LRRK2: variants seen among roughly 807,000 people sequenced by gnomAD.
The protein encoded by LRRK2 is leucine rich repeat kinase 2.
Under a neutral mutation model 302.6 loss-of-function variants are expected in LRRK2, and 203 were observed. The observed-to-expected ratio is 0.67, with a 90% confidence interval of 0.60 to 0.75. The LOEUF is 0.75. Among genes scored for constraint, LRRK2 ranks in the 30% least tolerant of loss-of-function variants. The pLI is 0.00. For synonymous variants in LRRK2, 1,066 were observed against 1,031.9 expected (o/e 1.03, Z -0.63); for missense variants, 2,830 against 2,951.0 (o/e 0.96, Z 0.95).
At chr12:40,239,908 A>G (rs932632028) in intron 5 of LRRK2, among the ~76,000 whole-genome samples, 4 of 152,214 alleles carry the variant, frequency 2.6e-5, no homozygotes, top group African/African-American at 7.2e-5. Flanking sequence ...TTGTTGCCCA[A>G]TAACAATGAC....
intron 38 of LRRK2, among the ~76,000 whole-genome samples, chr12:40,324,719 G>T (rs1397015083): frequency 6.6e-6 from 1 of 152,202 alleles, no homozygotes; most frequent in Non-Finnish European, 1.5e-5. Context: ...TGATTGGGAA[G>T]TTTAGGTTGA....
At chr12:40,338,004 G>C (rs1945925056) in intron 40 of LRRK2, among the ~76,000 whole-genome samples, 1 of 152,186 alleles carries the variant, frequency 6.6e-6, no homozygotes, top group Non-Finnish European at 1.5e-5. Flanking sequence ...TGAAGTGTTA[G>C]CTTCTCCAAC....
intron 16 of LRRK2, among the ~76,000 whole-genome samples, chr12:40,276,858 G>A (rs954540150): frequency 2.0e-5 from 3 of 151,512 alleles, no homozygotes; most frequent in Non-Finnish European, 4.4e-5. Flanking sequence ...TTTGAGATGG[G>A]GTCTCACTCT....
chr12:40,292,102 A>C (rs1177964691), intron 20 of LRRK2, among the ~76,000 whole-genome samples: 1 of 152,000 alleles, frequency 6.6e-6, no homozygotes, highest in African/African-American at 2.4e-5. Context: ...CAGCTATCTC[A>C]GTCTCCATAA....
intron 16 of LRRK2, among the ~76,000 whole-genome samples, chr12:40,275,941 G>A (rs1229211409): frequency 1.3e-5 from 2 of 152,036 alleles, no homozygotes; most frequent in Non-Finnish European, 2.9e-5. Context: ...GTAACTGGCA[G>A]CATTGACCAG....
rs1946359512 is a variant in LRRK2 at position 40,351,714 on chromosome 12, C to T, written c.6557C>T (p.Thr2186Ile). The change falls in exon 44 of 51, where the codon ACT becomes ATT. Residue 2186 changes from threonine to isoleucine, a missense_variant. By Grantham distance (89) the Thr-to-Ile change is moderately conservative (BLOSUM62 -1). Around this residue, in one of 3 missense-constraint regions of LRRK2, gnomAD observed 456 missense variants for 456.3 expected, o/e 1.00. Transcript: ENST00000298910. ...CAGCTCTCATTTCTTGACTTAAATA[C>T]TGAAGGATACACTTCTGAGGTAAAT... ...RGQLSFLDLN[T>I]EGYTSEEVAD... 1.2e-6 allele frequency: 2 copies of T among 1,614,022 alleles called. No homozygotes were observed. Among genetic ancestry groups the T allele is most frequent in the Non-Finnish European group, 1.7e-6 (2 of 1,180,020 alleles).
At chr12:40,243,194 C>T (rs1036949992) in intron 6 of LRRK2, among the ~76,000 whole-genome samples, 18 of 150,562 alleles carry the variant, frequency 1.2e-4, no homozygotes, top group African/African-American at 4.1e-4. Context: ...ATTTATTTAT[C>T]TGAAAACTTA....
intron 38 of LRRK2, among the ~76,000 whole-genome samples, chr12:40,327,008 T>C (rs1020336760): frequency 1.8e-4 from 27 of 152,258 alleles, no homozygotes; most frequent in African/African-American, 6.3e-4. Flanking sequence ...TTTCCATAGA[T>C]GTGTAATTTC....
At chr12:40,315,554 C>T (rs1282029887) in intron 33 of LRRK2, among the ~76,000 whole-genome samples, 1 of 151,978 alleles carries the variant, frequency 6.6e-6, no homozygotes, top group Non-Finnish European at 1.5e-5. Flanking sequence ...CCCCATGCTG[C>T]TTTACTAGAT....
chr12:40,245,328 G>A (rs904062203), intron 7 of LRRK2, among the ~76,000 whole-genome samples: 2 of 151,854 alleles, frequency 1.3e-5, no homozygotes, highest in African/African-American at 4.8e-5. Context: ...CCAGTCATGT[G>A]GTATATAAAT....
At chr12:40,250,519 T>A (rs904462954) in intron 8 of LRRK2, among the ~76,000 whole-genome samples, 1 of 152,194 alleles carries the variant, frequency 6.6e-6, no homozygotes, top group Non-Finnish European at 1.5e-5. Context: ...GTGTTTTAAG[T>A]TCTGGTGTAC....
intron 14 of LRRK2, among the ~76,000 whole-genome samples, chr12:40,273,646 G>GT (rs1349075212): frequency 6.6e-6 from 1 of 152,162 alleles, no homozygotes; most frequent in East Asian, 1.9e-4. Flanking sequence ...CGTCTTTGGA[G>GT]TGGAGGTACC....
At position 40,367,856 on chromosome 12, in the gene LRRK2, A is replaced by G. The variant is rs199839016; in HGVS notation, c.*91A>G. The G allele has an allele frequency of 3.2e-5, 42 of 1,307,038 alleles. No individual in the cohort carries two copies. Among genetic ancestry groups the G allele is most frequent in the Admixed American group, 4.9e-5 (2 of 40,678 alleles). 81.0% of individuals were successfully genotyped at this position (1,307,038 alleles called of 1,614,324 possible). A position where few individuals can be genotyped will look rare whatever the true frequency, so the allele number is the denominator to read the frequency against. On this transcript the variant is annotated 3_prime_UTR_variant, in exon 51 of 51. Coordinates refer to ENST00000298910, the MANE Select transcript of LRRK2 (RefSeq NM_198578.4). ...AAATGTTCACATGGAAAGGGTACTC[A>G]CATTTTTTGAAATAGCTCGTGTGTA...
intron 19 of LRRK2, among the ~76,000 whole-genome samples, chr12:40,286,848 T>C (rs143986844): frequency 1.0e-3 from 159 of 152,220 alleles, no homozygotes; most frequent in African/African-American, 3.7e-3. Context: ...ATAGTCATAA[T>C]GAATCACTCA....
chr12:40,260,229 G>A (rs1363119495), intron 13 of LRRK2, among the ~76,000 whole-genome samples: 1 of 151,994 alleles, frequency 6.6e-6, no homozygotes, highest in Admixed American at 6.6e-5. Context: ...TGGAAAAAAA[G>A]CACAACTGTA....
rs987335919 is a variant in LRRK2 at position 40,225,456 on chromosome 12, C to T, written c.152-99C>T. 38 of 1,290,150 alleles carry T rather than the reference C, an allele frequency of 2.9e-5. No individual in the cohort carries two copies. The African/African-American group carries it at 5.6e-4, about 19-fold the overall frequency. 79.9% of individuals were successfully genotyped at this position (1,290,150 alleles called of 1,614,324 possible). On this transcript the variant is annotated intron_variant, in intron 1 of 50. Transcript: ENST00000298910. ...AAGCAGCTGAGAATTTCAGGAAGGT[C>T]TTCACCTTTTTGACTTTTCTCCCCG...
chr12:40,239,850 C>G (rs528772608), intron 5 of LRRK2, among the ~76,000 whole-genome samples: 1 of 152,036 alleles, frequency 6.6e-6, no homozygotes, highest in African/African-American at 2.4e-5. Context: ...ATATTTCTGG[C>G]GCCATTCTCA....
At chr12:40,304,322 ATG>A in intron 27 of LRRK2, 188 bp downstream of exon 27, 1 of 609,862 alleles carries the variant, frequency 1.6e-6, no homozygotes, top group Non-Finnish European at 2.8e-6. Context: ...GCTACTAATG[ATG>A]TGTCACTTAA....
chr12:40,284,049 G>A lies in LRRK2; in HGVS notation c.2416G>A (p.Gly806Arg). 1 of 1,613,694 alleles carries A rather than the reference G, an allele frequency of 6.2e-7. No individual in the cohort carries two copies. The stretch of plus-strand genomic sequence containing the variant: ...TGTGGCCAACAATAGCATTTGCCTT[G>A]GAGGATTTTGTATAGGAAAAGTTGA... ...LDVANNSICLGGFCIGKVEPS... is the reference protein window; with the variant it reads ...LDVANNSICLRGFCIGKVEPS... The change falls in exon 19 of 51, where the codon GGA (glycine) becomes AGA (arginine). Residue 806 changes from glycine to arginine, a missense_variant. Coordinates refer to ENST00000298910, the MANE Select transcript of LRRK2 (RefSeq NM_198578.4).
Sources: allele counts gnomAD v4.1 joint callset (sites outside exome capture counted in the v4.1 genomes callset), GRCh38; gene constraint gnomAD v4.1.1; regional missense constraint gnomAD v4.1.1; transcripts MANE v1.5; gene names NCBI Gene and HGNC (gene_info 2026-07-23, HGNC 2026-07-21).